Variants in CACNA1E observed in about 807,000 individuals in gnomAD.
The protein encoded by CACNA1E is voltage-dependent R-type calcium channel subunit alpha-1E.
In CACNA1E, 40 loss-of-function variants were observed where a neutral mutation model predicts 259.2. That is an observed-to-expected ratio of 0.15 (90% CI 0.12 to 0.20). The LOEUF (loss-of-function observed/expected upper bound fraction) is 0.20. CACNA1E is among the 10% of genes least tolerant of loss of function. The probability of loss-of-function intolerance (pLI) is 1.00; values close to 1 mark genes in which losing one functional copy is unlikely to be tolerated. For missense variants in CACNA1E, 1,874 were observed against 3,040.1 expected (o/e 0.62, Z 9.02); for synonymous variants, 1,104 against 1,138.5 (o/e 0.97, Z 0.61).
chr1:181,358,535 C>T (rs982748968), intron 1 of CACNA1E, among the ~76,000 whole-genome samples: 7 of 152,090 alleles, frequency 4.6e-5, no homozygotes, highest in Non-Finnish European at 1.0e-4. Context: ...TTATAAAGAG[C>T]TTCTTTATTG....
At chr1:181,692,770 T>C (rs566395828) in intron 7 of CACNA1E, among the ~76,000 whole-genome samples, 1 of 152,152 alleles carries the variant, frequency 6.6e-6, no homozygotes, top group East Asian at 1.9e-4. Flanking sequence ...TCAAAAGCAA[T>C]TGCAATAAAA....
At chr1:181,565,013 A>G (rs1425043865) in intron 3 of CACNA1E, among the ~76,000 whole-genome samples, 1 of 152,090 alleles carries the variant, frequency 6.6e-6, no homozygotes, top group Non-Finnish European at 1.5e-5. Flanking sequence ...GAGTAGATTT[A>G]GCATAATTTT....
intron 7 of CACNA1E, among the ~76,000 whole-genome samples, chr1:181,679,745 C>T (rs148489222): frequency 6.1e-4 from 93 of 152,216 alleles, no homozygotes; most frequent in South Asian, 2.3e-3. Context: ...GGCCTGGGAA[C>T]ATAGGGCAGG....
chr1:181,583,836 A>T (rs1202061251), intron 6 of CACNA1E, among the ~76,000 whole-genome samples: 3 of 152,128 alleles, frequency 2.0e-5, no homozygotes, highest in Non-Finnish European at 1.5e-5. Context: ...GGTGGAAGGA[A>T]TGCAAAACTG....
intron 3 of CACNA1E, among the ~76,000 whole-genome samples, chr1:181,559,586 T>C (rs994197519): frequency 1.3e-5 from 2 of 152,014 alleles, no homozygotes; most frequent in African/African-American, 2.4e-5. Context: ...AAGGAGAGGG[T>C]ACTAAACACT....
intron 3 of CACNA1E, among the ~76,000 whole-genome samples, chr1:181,527,897 C>T (rs1313933199): frequency 1.3e-5 from 2 of 151,254 alleles, no homozygotes; most frequent in East Asian, 3.9e-4. Flanking sequence ...ATTTTATTTG[C>T]TATTTATTAG....
rs558453513 is a variant in CACNA1E, at chr1:181,402,445, G to A, written c.-14-10688G>A. ...AGAGCCATCACTTCATTCCCATCAG[G>A]CAATCACAAGATCACAAAGGATGAT... On this transcript the variant is annotated intron_variant, in intron 1 of 11. Coordinates refer to the CACNA1E transcript ENST00000524607. Among the ~76,000 whole-genome samples the A allele has an allele frequency of 9.2e-5, 14 of 152,232 alleles. 1 individual carries two copies. Among genetic ancestry groups the A allele is most frequent in the African/African-American group, 3.4e-4 (14 of 41,544 alleles).
intron 39 of CACNA1E, among the ~76,000 whole-genome samples, chr1:181,782,470 G>A (rs1660508451): frequency 6.6e-6 from 1 of 152,196 alleles, no homozygotes; most frequent in African/African-American, 2.4e-5. Flanking sequence ...TCATAGTAAT[G>A]TTTCCACTTC....
At chr1:181,441,999 G>T (rs542023395) in intron 2 of CACNA1E, among the ~76,000 whole-genome samples, 15 of 152,292 alleles carry the variant, frequency 9.8e-5, no homozygotes, top group African/African-American at 3.6e-4. Flanking sequence ...CTACTCATTT[G>T]CAGGTTGTGT....
chr1:181,519,445 G>A (rs912614333), intron 3 of CACNA1E, among the ~76,000 whole-genome samples: 39 of 152,154 alleles, frequency 2.6e-4, no homozygotes, highest in Admixed American at 2.2e-3. Context: ...GGGCAGAGCC[G>A]ATGTTGAGAG....
At chr1:181,715,772 G>A (rs938566465) in intron 9 of CACNA1E, among the ~76,000 whole-genome samples, 3 of 152,310 alleles carry the variant, frequency 2.0e-5, no homozygotes, top group East Asian at 3.9e-4. Context: ...AGATGGATAC[G>A]GAGTGCCTGT....
intron 6 of CACNA1E, among the ~76,000 whole-genome samples, chr1:181,637,944 C>G (rs2101982192): frequency 6.6e-6 from 1 of 152,244 alleles, no homozygotes; most frequent in South Asian, 2.1e-4. Context: ...CTGGATGTGG[C>G]TGTGTGACTT....
chr1:181,769,327 G>A (rs748204294), intron 35 of CACNA1E, among the ~76,000 whole-genome samples: 10 of 147,486 alleles, frequency 6.8e-5, no homozygotes, highest in Non-Finnish European at 1.5e-4. Context: ...GTTTAAGTTA[G>A]TGACAAGGAC....
At chr1:181,635,511 A>T (rs1047376395) in intron 6 of CACNA1E, among the ~76,000 whole-genome samples, 2 of 152,100 alleles carry the variant, frequency 1.3e-5, no homozygotes, top group Non-Finnish European at 1.5e-5. Context: ...GTTATGATAC[A>T]TCAATGTAGC....
At chr1:181,718,532 A>G (rs1654116864) in intron 12 of CACNA1E, among the ~76,000 whole-genome samples, 1 of 151,858 alleles carries the variant, frequency 6.6e-6, no homozygotes, top group Non-Finnish European at 1.5e-5. Flanking sequence ...AGGTGGTTCC[A>G]TAGGAAAGAG....
intron 6 of CACNA1E, among the ~76,000 whole-genome samples, chr1:181,601,183 G>T (rs568477042): frequency 1.3e-5 from 2 of 152,298 alleles, no homozygotes; most frequent in African/African-American, 4.8e-5. Flanking sequence ...GAGCTCTTCA[G>T]TCTGAGTCTG....
intron 24 of CACNA1E, among the ~76,000 whole-genome samples, chr1:181,738,628 CT>C (rs1656280386): frequency 6.6e-6 from 1 of 152,206 alleles, no homozygotes; most frequent in East Asian, 1.9e-4. Flanking sequence ...GTTTGTACTG[CT>C]GCAGGCCTGT....
intron 7 of CACNA1E, among the ~76,000 whole-genome samples, chr1:181,706,174 C>T (rs1652779481): frequency 6.6e-6 from 1 of 152,114 alleles, no homozygotes; most frequent in African/African-American, 2.4e-5. Flanking sequence ...CTATGCCTTG[C>T]TCCAAGGGAA....
intron 2 of CACNA1E, among the ~76,000 whole-genome samples, chr1:181,427,790 C>T (rs982226781): frequency 2.7e-5 from 4 of 150,038 alleles, no homozygotes; most frequent in East Asian, 2.0e-4. Context: ...CCCCTCCCTC[C>T]CTCCCTCCTC....
Sources: allele counts gnomAD v4.1 joint callset (sites outside exome capture counted in the v4.1 genomes callset), GRCh38; gene constraint gnomAD v4.1.1; transcripts MANE v1.5; gene names NCBI Gene and HGNC (gene_info 2026-07-23, HGNC 2026-07-21).